GPI: variants seen among roughly 807,000 people sequenced by gnomAD.
The protein encoded by GPI is D-hexose-6-phosphate anomerase.
In GPI, 56 loss-of-function variants were observed where a neutral mutation model predicts 75.8. That is an observed-to-expected ratio of 0.74 (90% CI 0.60 to 0.92). The LOEUF (loss-of-function observed/expected upper bound fraction) is 0.92, where lower values mean the gene tolerates loss of function less well. Ranked by LOEUF, GPI falls within the 40% of genes least tolerant of loss-of-function variation. GPI has a pLI of 0.00. For missense variants in GPI, 638 were observed against 741.0 expected, an observed-to-expected ratio of 0.86 and a Z score of 1.61; for synonymous variants, 288 against 285.4, an observed-to-expected ratio of 1.01 and a Z score of -0.09.
chr19:34,394,687 A>C (rs1305220217), intron 12 of GPI, among the ~76,000 whole-genome samples: 1 of 147,560 alleles, frequency 6.8e-6, no homozygotes, highest in Non-Finnish European at 1.5e-5. Context: ...TAGTCACATT[A>C]TGTCCCAGAA....
In GPI at chr19:34,393,690, G is replaced by A. The variant is rs1332883203; in HGVS notation, c.866-38G>A. ...GTGCCCACTGCCCACAGGACGCAGG[G>A]TGTGGCCACTTCTGTTGACTCTGCT... On this transcript the variant is annotated intron_variant, in intron 10 of 17. Coordinates refer to ENST00000356487, the MANE Select transcript of GPI (RefSeq NM_000175.5). This position sits in a 1 kb window ranked among gnomAD's most constrained non-coding sequence, Gnocchi z 4.4. 1.2e-6 allele frequency: 2 copies of A among 1,605,706 alleles called. No homozygotes were observed. Among genetic ancestry groups the A allele is most frequent in the African/African-American group, 1.3e-5 (1 of 74,750 alleles).
rs766533852 is a variant in GPI at position 34,396,433 on chromosome 19, A to G, written c.1192+3A>G. 3 of 1,614,028 alleles carry G rather than the reference A, an allele frequency of 1.9e-6. No individual in the cohort carries two copies. In the African/African-American group the frequency reaches 4.0e-5, roughly 22 times the overall value. The stretch of plus-strand genomic sequence containing the variant: ...TTTTTACCAGCTCATCCACCAAGGT[A>G]GGCCCCTGTGGCCTGGGAAGGGTGA... On this transcript the variant is annotated splice_donor_region_variant and intron_variant, in intron 13 of 17. Transcript: ENST00000356487.
intron 3 of GPI, 137 bp downstream of exon 3, chr19:34,366,988 T>C (rs1419952479): frequency 1.4e-6 from 1 of 738,244 alleles, no homozygotes; most frequent in African/African-American, 1.7e-5. Flanking sequence ...GAAGGCCTTT[T>C]TCCTCCTGCT....
chr19:34,397,597 C>T (rs551766551), intron 14 of GPI: 1 of 152,158 alleles, frequency 6.6e-6, no homozygotes, highest in East Asian at 1.9e-4. Context: ...CTTCCTGCCT[C>T]GGCCCCTCAA....
chr19:34,391,632 A>G (rs552706096), intron 9 of GPI, among the ~76,000 whole-genome samples: 101 of 546 alleles, frequency 0.18, 2 homozygotes, highest in South Asian at 0.47. Context: ...GGGTCTGTCA[A>G]TTTCTGAAGA....
intron 4 of GPI, among the ~76,000 whole-genome samples, chr19:34,369,329 G>C (rs1436619714): frequency 6.6e-6 from 1 of 151,912 alleles, no homozygotes; most frequent in South Asian, 2.1e-4. Context: ...GAGCCACTGC[G>C]CCTGGCCGGA....
In GPI at chr19:34,401,027, A is replaced by AT. The variant is rs762852092; in HGVS notation, c.*1007dup. Reference sequence around the variant, plus strand: ...AGGTATGAGCCACCACGCCCGGCCCATTTTTTTTTTTTTTTTGACAACTTT... The same window carrying AT: ...AGGTATGAGCCACCACGCCCGGCCCATTTTTTTTTTTTTTTTTGACAACTTT... On this transcript the variant is annotated 3_prime_UTR_variant, in exon 18 of 18. Coordinates refer to ENST00000356487, the MANE Select transcript of GPI (RefSeq NM_000175.5). The AT allele has an allele frequency of 0.021, 2,074 of 101,116 alleles. 48 individuals are homozygous for AT. Among genetic ancestry groups the AT allele is most frequent in the African/African-American group, 0.056 (1,562 of 28,122 alleles). 6.3% of individuals were successfully genotyped at this position (101,116 alleles called of 1,614,324 possible). A position where few individuals can be genotyped will look rare whatever the true frequency, so the allele number is the denominator to read the frequency against.
intron 9 of GPI, among the ~76,000 whole-genome samples, chr19:34,382,073 G>A (rs1238230958): frequency 6.6e-6 from 1 of 152,192 alleles, no homozygotes; most frequent in Non-Finnish European, 1.5e-5. Flanking sequence ...CTCTGCTGGA[G>A]CCGAGCAGTG....
chr19:34,367,292 G>A (rs2074382278), intron 3 of GPI: 1 of 322,974 alleles, frequency 3.1e-6, no homozygotes, highest in South Asian at 2.6e-5. Context: ...TGGGAGCCCA[G>A]CCTGGAGGTA....
chr19:34,377,451 A>G, intron 4 of GPI, 52 bp from the exon 5 acceptor site: 1 of 1,307,412 alleles, frequency 7.6e-7, no homozygotes, highest in Non-Finnish European at 1.1e-6. Context: ...GTTTTTGAGC[A>G]GCGGATTATG....
upstream of GPI, among the ~76,000 whole-genome samples, chr19:34,361,294 AT>A (rs1466263227): frequency 1.3e-5 from 2 of 151,910 alleles, no homozygotes; most frequent in African/African-American, 4.8e-5. Context: ...GGGTTTCACC[AT>A]GTTGCTCAGG....
chr19:34,368,696 C>T lies in GPI; in HGVS notation c.396C>T (p.Phe132=). The change falls in exon 4 of 18, where the codon TTC becomes TTT. Residue 132 remains phenylalanine (F), a synonymous_variant. Transcript: ENST00000356487. ...VNKVLDKMKS[F]CQRVRSGDWK... is the part of the protein sequence containing the mutation. Reference sequence around the variant, plus strand: ...AGGTTCTGGACAAGATGAAGTCTTTCTGCCAGGTAAGTGGCTACTGGGCCG... The same window carrying T: ...AGGTTCTGGACAAGATGAAGTCTTTTTGCCAGGTAAGTGGCTACTGGGCCG... 1 of 1,614,214 alleles carries T rather than the reference C, an allele frequency of 6.2e-7. No homozygotes were observed. The highest frequency in any genetic ancestry group is 2.2e-5 in the East Asian group (1 of 44,890).
intron 9 of GPI, chr19:34,392,861 A>T: frequency 3.1e-6 from 1 of 323,808 alleles, no homozygotes; most frequent in South Asian, 2.5e-5. Flanking sequence ...TGGCACAGGT[A>T]TGAGGCCTGG....
chr19:34,387,590 G>A (rs1342376756), intron 9 of GPI, among the ~76,000 whole-genome samples: 3 of 151,828 alleles, frequency 2.0e-5, no homozygotes, highest in African/African-American at 7.3e-5. Context: ...CTCAGTGCTG[G>A]TATGTTGACC....
intron 8 of GPI, among the ~76,000 whole-genome samples, chr19:34,380,503 A>C (rs2074633779): frequency 6.6e-6 from 1 of 151,612 alleles, no homozygotes; most frequent in Non-Finnish European, 1.5e-5. Flanking sequence ...GCTGGTCTCG[A>C]ATTCTTGACC....
intron 14 of GPI, 23 bp from the exon 15 acceptor site, chr19:34,399,184 A>C (rs762386544): frequency 6.2e-7 from 1 of 1,608,162 alleles, no homozygotes; most frequent in Non-Finnish European, 8.5e-7. Flanking sequence ...GCTCTCAAGC[A>C]TAACTGATGT....
chr19:34,382,368 A>G (rs2074668367), intron 9 of GPI, among the ~76,000 whole-genome samples: 1 of 152,176 alleles, frequency 6.6e-6, no homozygotes, highest in Non-Finnish European at 1.5e-5. Context: ...TTCCTTTGAA[A>G]GCTCTAAAGG....
rs1409919953 is a variant in GPI, at chr19:34,365,212, C to T, written c.-55C>T. 24 of 1,413,930 alleles carry T rather than the reference C, an allele frequency of 1.7e-5. No homozygotes were observed. The highest frequency in any genetic ancestry group is 1.7e-5 in the Non-Finnish European group (18 of 1,078,422). 87.6% of individuals were successfully genotyped at this position (1,413,930 alleles called of 1,614,324 possible). A position where few individuals can be genotyped will look rare whatever the true frequency, so the allele number is the denominator to read the frequency against. ...ACGCGCCTCGCTTGCTGCGCGCTGC[C>T]GGCGCTCCTTCCTCCTCGGCTCGCG... On this transcript the variant is annotated 5_prime_UTR_variant, in exon 1 of 18. Transcript: ENST00000356487.
Position 34,393,172 on chromosome 19 carries a change from G to A in GPI, c.805-76G>A. On this transcript the variant is annotated intron_variant, in intron 9 of 17. Transcript: ENST00000356487. The surrounding 1 kb of genome is among the most constrained non-coding windows in gnomAD (Gnocchi z 4.4). ...TCCGAGACGCCCCTGTGCAAGACCA[G>A]GGACAGGGTTTCCGGCAGGAGGTGG... 1.2e-5 allele frequency: 14 copies of A among 1,190,274 alleles called. No homozygotes were observed. The highest frequency in any genetic ancestry group is 1.8e-5 in the Non-Finnish European group (14 of 794,554). The allele number at this position is 1,190,274 out of a possible 1,614,324, so 73.7% of individuals were successfully genotyped here. A position where few individuals can be genotyped will look rare whatever the true frequency, so the allele number is the denominator to read the frequency against.
Sources: gnomAD v4.1 joint callset for allele counts (sites outside exome capture counted in the v4.1 genomes callset) on GRCh38, gnomAD v4.1.1 for gene constraint, Gnocchi (gnomAD v3.1) non-coding constraint, MANE v1.5 for transcripts, NCBI Gene and HGNC (gene_info 2026-07-23, HGNC 2026-07-21) for gene names.